Variants in CLASP2 observed in about 807,000 individuals in gnomAD.
The protein encoded by CLASP2 is CLIP-associating protein 2.
CLASP2 carries 47 observed loss-of-function variants against 194.4 expected under a neutral mutation model. That is an observed-to-expected ratio of 0.24 (90% CI 0.19 to 0.31). The LOEUF (loss-of-function observed/expected upper bound fraction) is 0.31, where lower values mean the gene tolerates loss of function less well. Among genes scored for constraint, CLASP2 ranks in the 10% least tolerant of loss-of-function variants. The probability of loss-of-function intolerance (pLI) is 1.00; values close to 1 mark genes in which losing one functional copy is unlikely to be tolerated. For missense variants in CLASP2, 1,445 were observed against 1,823.6 expected, an observed-to-expected ratio of 0.79 and a Z score of 3.78; for synonymous variants, 619 against 633.5, an observed-to-expected ratio of 0.98 and a Z score of 0.34.
intron 6 of CLASP2, among the ~76,000 whole-genome samples, chr3:33,674,103 G>C (rs1156578802): frequency 6.6e-6 from 1 of 152,062 alleles, no homozygotes; most frequent in Non-Finnish European, 1.5e-5. Context: ...CTAATAGACA[G>C]CTACAGAACT....
chr3:33,611,584 G>A (rs1460074816), intron 13 of CLASP2, among the ~76,000 whole-genome samples: 1 of 152,184 alleles, frequency 6.6e-6, no homozygotes, highest in Non-Finnish European at 1.5e-5. Flanking sequence ...TTCTACTAAT[G>A]TGTATCTCAT....
chr3:33,511,656 T>G (rs1045108236), intron 36 of CLASP2, among the ~76,000 whole-genome samples: 2 of 126,126 alleles, frequency 1.6e-5, no homozygotes, highest in Non-Finnish European at 3.6e-5. Flanking sequence ...GAAATGGCTG[T>G]CTATCTTCTT....
intron 29 of CLASP2, among the ~76,000 whole-genome samples, chr3:33,558,039 C>T (rs182970698): frequency 1.3e-5 from 2 of 152,336 alleles, no homozygotes; most frequent in East Asian, 3.9e-4. Context: ...ATCCCCCACT[C>T]ACCCAGAGAC....
intron 3 of CLASP2, 70 bp downstream of exon 3, chr3:33,689,759 G>A (rs1242898669): frequency 2.0e-6 from 2 of 1,014,836 alleles, no homozygotes; most frequent in Admixed American, 3.1e-5. Flanking sequence ...CAGTGTTCAT[G>A]CTTGCTGTGG....
chr3:33,516,300 C>A, intron 35 of CLASP2, 149 bp from the exon 36 acceptor site: 1 of 536,310 alleles, frequency 1.9e-6, no homozygotes, highest in Admixed American at 4.1e-5. Context: ...ATTAAGTTTT[C>A]TTATCTCTAA....
chr3:33,716,702 A>T (rs2093316609), intron 1 of CLASP2, among the ~76,000 whole-genome samples: 2 of 152,254 alleles, frequency 1.3e-5, no homozygotes, highest in South Asian at 4.1e-4. Flanking sequence ...TTTTAAAAAT[A>T]ATAATCAAGA....
At chr3:33,570,912 AC>A in intron 25 of CLASP2, 122 bp from the exon 26 acceptor site, 1 of 867,296 alleles carries the variant, frequency 1.2e-6, no homozygotes, top group Non-Finnish European at 1.7e-6. Context: ...ATGGTGGCTC[AC>A]GCCTATAATC....
chr3:33,543,394 A>G (rs2058685064), intron 32 of CLASP2, 39 bp downstream of exon 32: 1 of 1,314,962 alleles, frequency 7.6e-7, no homozygotes, highest in Non-Finnish European at 1.1e-6. Flanking sequence ...ATGGGAATTT[A>G]CAAATACAAA....
intron 24 of CLASP2, chr3:33,574,351 GATGT>G (rs2154196675): frequency 1.7e-6 from 1 of 603,092 alleles, no homozygotes; most frequent in African/African-American, 1.9e-5. Flanking sequence ...CAGAAAAATA[GATGT>G]ATGTCTAAGG....
chr3:33,579,970 C>T (rs868278571), intron 23 of CLASP2, among the ~76,000 whole-genome samples: 18 of 152,130 alleles, frequency 1.2e-4, no homozygotes, highest in African/African-American at 2.4e-4. Context: ...TATGTGCATG[C>T]GCATGCACAT....
chr3:33,645,034 C>T, intron 7 of CLASP2, 131 bp from the exon 8 acceptor site: 1 of 932,564 alleles, frequency 1.1e-6, no homozygotes. Flanking sequence ...AAATAAAGGT[C>T]CTTTGAATAA....
intron 15 of CLASP2, 21 bp from the exon 16 acceptor site, chr3:33,606,779 C>G (rs765108294): frequency 1.3e-6 from 2 of 1,562,706 alleles, no homozygotes; most frequent in South Asian, 1.2e-5. Flanking sequence ...AAAAGAAAAG[C>G]AGATGAAGTA....
intron 6 of CLASP2, among the ~76,000 whole-genome samples, chr3:33,667,489 C>T (rs541780007): frequency 2.7e-5 from 4 of 146,198 alleles, no homozygotes; most frequent in East Asian, 4.1e-4. Flanking sequence ...TTCTTGATGG[C>T]GTTCCTTGAA....
intron 21 of CLASP2, among the ~76,000 whole-genome samples, chr3:33,589,637 A>C (rs185634426): frequency 6.6e-6 from 1 of 152,182 alleles, no homozygotes; most frequent in Admixed American, 6.5e-5. Flanking sequence ...TTCTAATCTT[A>C]AAGTCCTATT....
intron 7 of CLASP2, among the ~76,000 whole-genome samples, chr3:33,651,109 G>A (rs560272342): frequency 5.9e-5 from 9 of 152,276 alleles, no homozygotes; most frequent in African/African-American, 9.6e-5. Context: ...ATGGCTGGGC[G>A]TAGTGGTTCA....
chr3:33,614,656 A>G (rs2075791581), intron 12 of CLASP2, among the ~76,000 whole-genome samples: 1 of 152,136 alleles, frequency 6.6e-6, no homozygotes, highest in Admixed American at 6.5e-5. Flanking sequence ...GCAACAATAA[A>G]AAGTTAAGAA....
intron 2 of CLASP2, among the ~76,000 whole-genome samples, 177 bp downstream of exon 2, chr3:33,696,678 C>A (rs2091949131): frequency 6.6e-6 from 1 of 152,042 alleles, no homozygotes; most frequent in African/African-American, 2.4e-5. Context: ...GTTGGCCAGG[C>A]TGGTCTCAAA....
chr3:33,638,002 G>A (rs2080494088), intron 8 of CLASP2, among the ~76,000 whole-genome samples: 1 of 152,178 alleles, frequency 6.6e-6, no homozygotes, highest in South Asian at 2.1e-4. Context: ...CATCAATAAT[G>A]TGGAATACTG....
chr3:33,702,586 C>T (rs184758868), intron 1 of CLASP2, among the ~76,000 whole-genome samples: 4 of 151,456 alleles, frequency 2.6e-5, no homozygotes, highest in Non-Finnish European at 5.9e-5. Context: ...AAACAACAAA[C>T]AAAAAAAGAA....
Sources: allele counts gnomAD v4.1 joint callset (sites outside exome capture counted in the v4.1 genomes callset), GRCh38; gene constraint gnomAD v4.1.1; transcripts MANE v1.5; gene names NCBI Gene and HGNC (gene_info 2026-07-23, HGNC 2026-07-21).